SLC4A10: variants seen among roughly 807,000 people sequenced by gnomAD.
SLC4A10 encodes the protein solute carrier family 4 member 10.
A neutral mutation model predicts 137.7 loss-of-function variants in SLC4A10; 42 were observed. That is an observed-to-expected ratio of 0.30 (90% confidence interval 0.24 to 0.39). The LOEUF is 0.39. Ranked by LOEUF, SLC4A10 falls within the 10% of genes least tolerant of loss-of-function variation. SLC4A10 has a pLI of 1.00. For synonymous variants in SLC4A10, 474 were observed against 464.1 expected (o/e 1.02, Z -0.27); for missense variants, 925 against 1,355.0 (o/e 0.68, Z 4.98).
At chr2:161,950,923 T>C in intron 19 of SLC4A10, 75 bp downstream of exon 19, 1 of 1,218,796 alleles carries the variant, frequency 8.2e-7, no homozygotes, top group Non-Finnish European at 1.1e-6. Context: ...GACTTCTATA[T>C]TCTGTATTCA....
At chr2:161,897,157 T>C (rs1354904327) in intron 11 of SLC4A10, among the ~76,000 whole-genome samples, 1 of 152,200 alleles carries the variant, frequency 6.6e-6, no homozygotes, top group Non-Finnish European at 1.5e-5. Context: ...TATGAACATC[T>C]AATGTATATT....
intron 15 of SLC4A10, among the ~76,000 whole-genome samples, chr2:161,938,606 A>G (rs1205904041): frequency 2.0e-5 from 3 of 151,698 alleles, no homozygotes; most frequent in Non-Finnish European, 1.5e-5. Context: ...AAATAATCCA[A>G]ATATCTTGGG....
chr2:161,816,048 C>G (rs2057026774), intron 3 of SLC4A10, among the ~76,000 whole-genome samples: 1 of 152,112 alleles, frequency 6.6e-6, no homozygotes, highest in Non-Finnish European at 1.5e-5. Flanking sequence ...CATCCTTATT[C>G]CACACTCAGT....
chr2:161,639,694 T>C (rs2034998188), intron 1 of SLC4A10, among the ~76,000 whole-genome samples: 1 of 152,158 alleles, frequency 6.6e-6, no homozygotes, highest in African/African-American at 2.4e-5. Flanking sequence ...TAGAAAGCTT[T>C]TCTTCAGAAA....
intron 15 of SLC4A10, among the ~76,000 whole-genome samples, chr2:161,925,771 C>T (rs947890331): frequency 2.6e-5 from 4 of 152,054 alleles, no homozygotes; most frequent in Non-Finnish European, 5.9e-5. Context: ...TCGTTGGTTT[C>T]AAAGAACATC....
chr2:161,920,191 A>C (rs1185692434), intron 15 of SLC4A10, among the ~76,000 whole-genome samples: 1 of 152,250 alleles, frequency 6.6e-6, no homozygotes, highest in Non-Finnish European at 1.5e-5. Flanking sequence ...CCTAGTGGGC[A>C]GAATGAGCCC....
intron 2 of SLC4A10, among the ~76,000 whole-genome samples, chr2:161,801,779 T>TA (rs149400126): frequency 0.014 from 2,087 of 152,176 alleles, 25 homozygotes; most frequent in Non-Finnish European, 0.022. Context: ...TCGTGAATGA[T>TA]AAAAAAACAC....
intron 15 of SLC4A10, among the ~76,000 whole-genome samples, chr2:161,925,284 A>G (rs1046285295): frequency 6.6e-6 from 1 of 152,060 alleles, no homozygotes; most frequent in Non-Finnish European, 1.5e-5. Flanking sequence ...GGGAGGGTGT[A>G]TGTGTCGAGG....
intron 1 of SLC4A10, among the ~76,000 whole-genome samples, chr2:161,704,030 T>G (rs1021638701): frequency 3.3e-5 from 5 of 151,714 alleles, no homozygotes; most frequent in Non-Finnish European, 7.4e-5. Context: ...CTTGTAAATG[T>G]GAAAATATGG....
At chr2:161,702,104 A>G (rs1398427087) in intron 1 of SLC4A10, among the ~76,000 whole-genome samples, 4 of 151,996 alleles carry the variant, frequency 2.6e-5, no homozygotes, top group African/African-American at 7.2e-5. Flanking sequence ...CTGCATTCCC[A>G]TGTTTATTGC....
At chr2:161,907,591 C>T (rs188378506) in intron 15 of SLC4A10, among the ~76,000 whole-genome samples, 20 of 152,228 alleles carry the variant, frequency 1.3e-4, no homozygotes, top group African/African-American at 4.3e-4. Context: ...GTACAGAATG[C>T]TATAGCAGCA....
chr2:161,637,018 T>C (rs1180851836), intron 1 of SLC4A10, among the ~76,000 whole-genome samples: 1 of 149,030 alleles, frequency 6.7e-6, no homozygotes, highest in Non-Finnish European at 1.5e-5. Flanking sequence ...ATACCCGGCC[T>C]ACATTTTTTA....
At chr2:161,930,162 T>C (rs1690069665) in intron 15 of SLC4A10, among the ~76,000 whole-genome samples, 1 of 152,160 alleles carries the variant, frequency 6.6e-6, no homozygotes, top group African/African-American at 2.4e-5. Context: ...TAATATTAAG[T>C]AAGAGAAGCT....
At chr2:161,770,686 T>A (rs1474838554) in intron 1 of SLC4A10, among the ~76,000 whole-genome samples, 2 of 151,920 alleles carry the variant, frequency 1.3e-5, no homozygotes, top group East Asian at 1.9e-4. Context: ...ATTGATAGAA[T>A]AACTATTTTT....
At chr2:161,885,271 A>T (rs1452423729) in intron 10 of SLC4A10, among the ~76,000 whole-genome samples, 1 of 140,058 alleles carries the variant, frequency 7.1e-6, no homozygotes, top group Non-Finnish European at 1.6e-5. Context: ...ATGTTGATTC[A>T]TAGTTTACTT....
At chr2:161,709,486 A>G (rs1484185325) in intron 1 of SLC4A10, among the ~76,000 whole-genome samples, 1 of 151,636 alleles carries the variant, frequency 6.6e-6, no homozygotes, top group Admixed American at 6.6e-5. Flanking sequence ...CTTTTAAGGT[A>G]GATATATACT....
At chr2:161,675,068 A>G (rs1389892565) in intron 1 of SLC4A10, among the ~76,000 whole-genome samples, 1 of 152,238 alleles carries the variant, frequency 6.6e-6, no homozygotes, top group East Asian at 1.9e-4. Flanking sequence ...CTTAAAAAAT[A>G]AAATCCATTT....
intron 1 of SLC4A10, among the ~76,000 whole-genome samples, chr2:161,746,226 G>A (rs1574723622): frequency 2.6e-5 from 4 of 151,958 alleles, no homozygotes; most frequent in Non-Finnish European, 5.9e-5. Context: ...CAGGAGTTAG[G>A]GCCTGGGTTT....
chr2:161,892,419 A>G (rs961091512), intron 10 of SLC4A10, among the ~76,000 whole-genome samples: 8 of 151,364 alleles, frequency 5.3e-5, no homozygotes, highest in African/African-American at 1.9e-4. Context: ...TTTAATATTA[A>G]AAAAAATCTC....
Sources: allele counts gnomAD v4.1 joint callset (sites outside exome capture counted in the v4.1 genomes callset), GRCh38; gene constraint gnomAD v4.1.1; transcripts MANE v1.5; gene names NCBI Gene and HGNC (gene_info 2026-07-23, HGNC 2026-07-21).